CCDC50: variants seen among roughly 807,000 people sequenced by gnomAD.
CCDC50 encodes the protein coiled-coil domain-containing protein 50.
Under a neutral mutation model 70.2 loss-of-function variants are expected in CCDC50, and 54 were observed. That is an observed-to-expected ratio of 0.77 (90% confidence interval 0.62 to 0.96). CCDC50 has a LOEUF of 0.96. CCDC50 is among the 50% of genes least tolerant of loss of function. The pLI, the probability that CCDC50 is intolerant of heterozygous loss-of-function variation, is 0.00. For synonymous variants in CCDC50, 216 were observed against 198.8 expected (o/e 1.09, Z -0.73); for missense variants, 558 against 578.7 (o/e 0.96, Z 0.37).
chr3:191,389,990 A>T, intron 11 of CCDC50, among the ~76,000 whole-genome samples: 1 of 150,054 alleles, frequency 6.7e-6, no homozygotes, highest in African/African-American at 2.5e-5. Context: ...CCTCCCAAGT[A>T]GCTGGGATTA....
At chr3:191,350,778 T>C (rs74835916) in intron 1 of CCDC50, among the ~76,000 whole-genome samples, 12,678 of 141,408 alleles carry the variant, frequency 0.09, 2,260 homozygotes, top group East Asian at 0.25. Context: ...ATAGCAGGAG[T>C]GCTGTTCACT....
chr3:191,353,106 A>G (rs1712156883), intron 1 of CCDC50, among the ~76,000 whole-genome samples: 1 of 141,952 alleles, frequency 7.0e-6, no homozygotes, highest in South Asian at 2.2e-4. Flanking sequence ...AGCAAAGTGC[A>G]TTTCTTTCTG....
intron 1 of CCDC50, among the ~76,000 whole-genome samples, chr3:191,339,628 C>T (rs962037870): frequency 6.6e-6 from 1 of 152,174 alleles, no homozygotes; most frequent in East Asian, 1.9e-4. Context: ...ATTTGGTGAT[C>T]TTCAAGAAGC....
chr3:191,343,160 TG>T (rs1159069095), intron 1 of CCDC50, among the ~76,000 whole-genome samples: 4 of 152,218 alleles, frequency 2.6e-5, no homozygotes, highest in Non-Finnish European at 5.9e-5. Context: ...GCACCTATTT[TG>T]GTATCTGTGG....
intron 10 of CCDC50, among the ~76,000 whole-genome samples, chr3:191,385,777 G>A (rs943300068): frequency 6.6e-6 from 1 of 151,966 alleles, no homozygotes; most frequent in Admixed American, 6.6e-5. Flanking sequence ...AATTTTTATA[G>A]TTTAAGGTCT....
chr3:191,374,470 T>C (rs1395503011), intron 5 of CCDC50, among the ~76,000 whole-genome samples: 2 of 150,020 alleles, frequency 1.3e-5, no homozygotes, highest in Non-Finnish European at 3.0e-5. Context: ...TCTTTTATAT[T>C]GAACTGTAAT....
rs759723971 is a variant in CCDC50 at position 191,393,444 on chromosome 3, A to G, written c.*1684A>G. ...TTCAGATAGTCTTTAAAGTTGGGCAATATTCAGGCAGCTATTTAGAACAGT... is the reference window on the plus strand; with the variant it reads ...TTCAGATAGTCTTTAAAGTTGGGCAGTATTCAGGCAGCTATTTAGAACAGT... On this transcript the variant is annotated 3_prime_UTR_variant, in exon 12 of 12. Coordinates refer to ENST00000392455, the MANE Select transcript of CCDC50 (RefSeq NM_178335.3). 3.3e-5 allele frequency: 5 copies of G among 152,196 alleles called. No individual in the cohort carries two copies. The highest frequency in any genetic ancestry group is 4.8e-5 in the African/African-American group (2 of 41,452). The allele number at this position is 152,196 out of a possible 1,614,324, so 9.4% of individuals were successfully genotyped here.
At position 191,397,438 on chromosome 3, in the gene CCDC50, AT is replaced by A. The variant is rs1713897422; in HGVS notation, c.*5679del. 2.6e-5 allele frequency: 4 copies of A among 152,212 alleles called. No individual in the cohort carries two copies. Among genetic ancestry groups the A allele is most frequent in the Non-Finnish European group, 5.9e-5 (4 of 68,040 alleles). 9.4% of individuals were successfully genotyped at this position (152,212 alleles called of 1,614,324 possible). ...TTTTTCTCTTCTTACAGGCAACCCA[AT>A]ATTTATTTCATAAAGTGTTATAAAT... On this transcript the variant is annotated 3_prime_UTR_variant, in exon 12 of 12. Coordinates refer to ENST00000392455, the MANE Select transcript of CCDC50 (RefSeq NM_178335.3).
intron 1 of CCDC50, among the ~76,000 whole-genome samples, chr3:191,349,704 CT>C (rs1439279570): frequency 7.1e-6 from 1 of 141,770 alleles, no homozygotes; most frequent in Non-Finnish European, 1.6e-5. Context: ...CTAAGCTGCA[CT>C]TGAAACCCTT....
rs772018999 is a variant in CCDC50 at position 191,361,052 on chromosome 3, T to C, written c.240-17T>C. 60 of 1,578,016 alleles carry C rather than the reference T, an allele frequency of 3.8e-5. No homozygotes were observed. The African/African-American group carries it at 7.8e-4, about 21-fold the overall frequency. Reference sequence around the variant, plus strand: ...TTTTTTATTTTCCTTATTCATGTTTTCACCTTTGCTTTTTAGTGAACAACA... The same window carrying C: ...TTTTTTATTTTCCTTATTCATGTTTCCACCTTTGCTTTTTAGTGAACAACA... On this transcript the variant is annotated splice_polypyrimidine_tract_variant and intron_variant, in intron 3 of 11. Coordinates refer to ENST00000392455, the MANE Select transcript of CCDC50 (RefSeq NM_178335.3).
chr3:191,367,040 A>G (rs1452924766), intron 4 of CCDC50, among the ~76,000 whole-genome samples: 1 of 152,124 alleles, frequency 6.6e-6, no homozygotes, highest in Admixed American at 6.6e-5. Flanking sequence ...AACCTCAGCT[A>G]TAATATAGTG....
chr3:191,395,718 A>C lies in CCDC50; in HGVS notation c.*3958A>C, dbSNP rs1421378409. On this transcript the variant is annotated 3_prime_UTR_variant, in exon 12 of 12. Coordinates refer to ENST00000392455, the MANE Select transcript of CCDC50 (RefSeq NM_178335.3). ...TACATAGAGTGCCATATTCTGTTGA[A>C]ACGATCATAACAAAATCAAAACCTC... The C allele has an allele frequency of 6.6e-6, 1 of 152,160 alleles. No individual in the cohort carries two copies. Among genetic ancestry groups the C allele is most frequent in the African/African-American group, 2.4e-5 (1 of 41,436 alleles). The allele number at this position is 152,160 out of a possible 1,614,324, so 9.4% of individuals were successfully genotyped here. A position where few individuals can be genotyped will look rare whatever the true frequency, so the allele number is the denominator to read the frequency against.
In CCDC50 at chr3:191,380,680, A is replaced by G. The variant is rs1162453557; in HGVS notation, c.1093-7A>G. The G allele has an allele frequency of 6.2e-7, 1 of 1,611,956 alleles. No individual in the cohort carries two copies. The highest frequency in any genetic ancestry group is 1.7e-5 in the Admixed American group (1 of 59,786). On this transcript the variant is annotated splice_polypyrimidine_tract_variant and splice_region_variant and intron_variant, in intron 7 of 11. Coordinates refer to ENST00000392455, the MANE Select transcript of CCDC50 (RefSeq NM_178335.3). ...AATTCTTTGTTTTTGTATTTTCGAT[A>G]TCATAGGCTACCCAGGTGGACATGA...
intron 1 of CCDC50, among the ~76,000 whole-genome samples, chr3:191,337,402 C>T (rs1711556519): frequency 6.7e-6 from 1 of 148,534 alleles, no homozygotes; most frequent in Non-Finnish European, 1.5e-5. Context: ...TTCTCTCTCT[C>T]TTTTTTTTTT....
At chr3:191,372,726 A>G (rs1352735807) in intron 5 of CCDC50, among the ~76,000 whole-genome samples, 1 of 152,110 alleles carries the variant, frequency 6.6e-6, no homozygotes, top group East Asian at 1.9e-4. Context: ...ATATCAACTC[A>G]AATGATATAT....
intron 1 of CCDC50, among the ~76,000 whole-genome samples, chr3:191,336,531 A>G (rs1711525105): frequency 6.6e-6 from 1 of 151,800 alleles, no homozygotes; most frequent in South Asian, 2.1e-4. Flanking sequence ...CTTATTATTG[A>G]ATTTGGGAGT....
At chr3:191,375,869 GTTC>G (rs994851403) in intron 6 of CCDC50, among the ~76,000 whole-genome samples, 5 of 152,028 alleles carry the variant, frequency 3.3e-5, no homozygotes, top group African/African-American at 1.2e-4. Flanking sequence ...TCCAGATATA[GTTC>G]TTCATTTACC....
rs1717882267 is a variant in CCDC50 at position 191,329,721 on chromosome 3, A to C, written c.47A>C (p.Glu16Ala). ...CAGTCCAAGCTGCCTGGAGTCAAGGAAGGTAAGGGCCCCGGAGGGAGAGCG... is the reference window on the plus strand; with the variant it reads ...CAGTCCAAGCTGCCTGGAGTCAAGGCAGGTAAGGGCCCCGGAGGGAGAGCG... ...IDQSKLPGVK[E>A]VCRDFAVLED... The change falls in exon 1 of 12, where the codon GAA becomes GCA. Residue 16 changes from glutamate to alanine, a missense_variant and splice_region_variant. Physicochemically the swap from Glu to Ala is moderately radical, Grantham distance 107. Transcript: ENST00000392455. 1.9e-6 allele frequency: 3 copies of C among 1,609,736 alleles called. No homozygotes were observed. The highest frequency in any genetic ancestry group is 2.5e-6 in the Non-Finnish European group (3 of 1,178,564).
At chr3:191,383,522 A>C (rs535027345) in intron 10 of CCDC50, among the ~76,000 whole-genome samples, 1 of 152,158 alleles carries the variant, frequency 6.6e-6, no homozygotes, top group Non-Finnish European at 1.5e-5. Flanking sequence ...ACTAAGTTTA[A>C]AATTTTGAAA....
Sources: allele counts gnomAD v4.1 joint callset (sites outside exome capture counted in the v4.1 genomes callset), GRCh38; gene constraint gnomAD v4.1.1; transcripts MANE v1.5; gene names NCBI Gene and HGNC (gene_info 2026-07-23, HGNC 2026-07-21).